The following ZNF385D variants were observed in gnomAD, a reference collection of about 807,000 sequenced individuals.
ZNF385D encodes the protein zinc finger protein 659.
In ZNF385D, 15 loss-of-function variants were observed where a neutral mutation model predicts 35.8. The observed-to-expected ratio is 0.42, with a 90% CI of 0.28 to 0.64. The LOEUF is 0.64. ZNF385D is among the 30% of genes least tolerant of loss of function. The pLI is 0.23. For synonymous variants in ZNF385D, 212 were observed against 186.8 expected (o/e 1.13, Z -1.10); for missense variants, 474 against 494.6 (o/e 0.96, Z 0.39).
rs532699499 is a variant in ZNF385D, at chr3:22,217,506, C to T, written c.107-48471G>A. On this transcript the variant is annotated intron_variant, in intron 2 of 5. Coordinates refer to the ZNF385D transcript ENST00000494108. The stretch of plus-strand genomic sequence containing the variant: ...CTTAACGAATTACCTCTACAATGAC[C>T]CTGTTTCCAAATAAGGTTATATTTT... Among the ~76,000 whole-genome samples, 3 of 152,172 alleles carry T rather than the reference C, an allele frequency of 2.0e-5. 1 individual carries two copies. The South Asian group carries it at 6.2e-4, about 32-fold the overall frequency.
intron 2 of ZNF385D, among the ~76,000 whole-genome samples, chr3:22,355,293 A>G (rs1341434645): frequency 2.0e-5 from 3 of 152,072 alleles, no homozygotes; most frequent in African/African-American, 4.8e-5. Context: ...GTTAGATCAA[A>G]TAACATGCAT....
At chr3:21,947,294 G>A (rs980761953) in intron 3 of ZNF385D, among the ~76,000 whole-genome samples, 7 of 152,022 alleles carry the variant, frequency 4.6e-5, no homozygotes, top group South Asian at 2.1e-4. Flanking sequence ...GTACAGTTAA[G>A]CCACTCTCTT....
Position 21,578,125 on chromosome 3 carries a change from T to C in ZNF385D, c.166-13441A>G, listed in dbSNP as rs372235967. Among the ~76,000 whole-genome samples, 11 of 152,298 alleles carry C rather than the reference T, an allele frequency of 7.2e-5. No individual in the cohort carries two copies. In the East Asian group the frequency reaches 1.9e-3, roughly 27 times the overall value. The stretch of plus-strand genomic sequence containing the variant: ...GCCACTGCACCCCACATTTATATGT[T>C]TTCTTTAGAGAAATGTCTATTCAAG... On this transcript the variant is annotated intron_variant, in intron 2 of 7. Transcript: ENST00000281523.
intron 2 of ZNF385D, among the ~76,000 whole-genome samples, chr3:22,341,423 A>G (rs542674210): frequency 2.6e-5 from 4 of 152,270 alleles, no homozygotes. Context: ...TGCCTAAAAT[A>G]CTTGCTTTCT....
chr3:22,297,770 A>C (rs995147772), intron 2 of ZNF385D, among the ~76,000 whole-genome samples: 3 of 152,172 alleles, frequency 2.0e-5, no homozygotes, highest in Non-Finnish European at 4.4e-5. Context: ...ATATACATAA[A>C]AATAACATAA....
At chr3:21,603,146 T>C (rs1049879008) in intron 2 of ZNF385D, among the ~76,000 whole-genome samples, 2 of 152,120 alleles carry the variant, frequency 1.3e-5, no homozygotes, top group African/African-American at 2.4e-5. Context: ...TACCAAGCCA[T>C]ATAGGAGACA....
chr3:21,913,720 G>C (rs1700070472), intron 3 of ZNF385D, among the ~76,000 whole-genome samples: 1 of 152,098 alleles, frequency 6.6e-6, no homozygotes, highest in Non-Finnish European at 1.5e-5. Flanking sequence ...GCTTTCCAAA[G>C]AGAGATTAGA....
At chr3:21,527,095 A>G (rs1277043183) in intron 3 of ZNF385D, among the ~76,000 whole-genome samples, 1 of 152,206 alleles carries the variant, frequency 6.6e-6, no homozygotes, top group East Asian at 1.9e-4. Flanking sequence ...TGTAATATAA[A>G]GTAACTTATA....
chr3:21,875,677 C>T (rs1697926370), intron 3 of ZNF385D, among the ~76,000 whole-genome samples: 1 of 152,062 alleles, frequency 6.6e-6, no homozygotes, highest in Non-Finnish European at 1.5e-5. Flanking sequence ...ACTCACTTCT[C>T]CCTCAACCAG....
intron 3 of ZNF385D, among the ~76,000 whole-genome samples, chr3:21,549,703 C>T (rs576536692): frequency 6.6e-5 from 10 of 152,268 alleles, no homozygotes; most frequent in African/African-American, 2.2e-4. Flanking sequence ...CAAAGGACAG[C>T]TTTTGAAGAA....
At chr3:22,357,269 A>G (rs1033316272) in intron 2 of ZNF385D, among the ~76,000 whole-genome samples, 3 of 152,072 alleles carry the variant, frequency 2.0e-5, no homozygotes, top group South Asian at 2.1e-4. Flanking sequence ...GTAGTTCTGA[A>G]TTATAGTAAT....
At chr3:22,295,806 A>G (rs941829371) in intron 2 of ZNF385D, among the ~76,000 whole-genome samples, 1 of 152,022 alleles carries the variant, frequency 6.6e-6, no homozygotes, top group Non-Finnish European at 1.5e-5. Flanking sequence ...ATAAACTATA[A>G]CCTTTGAAAG....
chr3:22,091,828 C>T (rs924458416), intron 3 of ZNF385D, among the ~76,000 whole-genome samples: 1 of 152,092 alleles, frequency 6.6e-6, no homozygotes, highest in Non-Finnish European at 1.5e-5. Context: ...TCTCCTTCTT[C>T]CTGTTTTTAT....
At chr3:21,913,502 T>C (rs1248891354) in intron 3 of ZNF385D, among the ~76,000 whole-genome samples, 1 of 152,118 alleles carries the variant, frequency 6.6e-6, no homozygotes, top group Non-Finnish European at 1.5e-5. Flanking sequence ...ATGCTCATCC[T>C]TACAGTGTTG....
At chr3:22,118,682 CAA>C (rs1287649057) in intron 3 of ZNF385D, among the ~76,000 whole-genome samples, 4 of 152,034 alleles carry the variant, frequency 2.6e-5, no homozygotes, top group Non-Finnish European at 5.9e-5. Flanking sequence ...TTAAGACAAA[CAA>C]AGAGCAGATA....
At chr3:21,697,194 A>T (rs538972632) in intron 1 of ZNF385D, among the ~76,000 whole-genome samples, 1 of 152,236 alleles carries the variant, frequency 6.6e-6, no homozygotes, top group Admixed American at 6.5e-5. Flanking sequence ...ACTTCATGAG[A>T]TTCCTATTCA....
intron 3 of ZNF385D, among the ~76,000 whole-genome samples, chr3:21,820,495 G>C (rs2073352486): frequency 6.6e-6 from 1 of 151,620 alleles, no homozygotes; most frequent in Admixed American, 6.6e-5. Context: ...AGAAATGCTT[G>C]TATTTTAAAA....
intron 2 of ZNF385D, among the ~76,000 whole-genome samples, chr3:22,360,374 C>CCA (rs1295695301): frequency 6.6e-6 from 1 of 151,876 alleles, no homozygotes; most frequent in Non-Finnish European, 1.5e-5. Flanking sequence ...CATTATACTC[C>CCA]CATCCATACA....
chr3:21,738,913 T>C (rs927314919), intron 1 of ZNF385D, among the ~76,000 whole-genome samples: 2 of 152,254 alleles, frequency 1.3e-5, no homozygotes, highest in African/African-American at 4.8e-5. Flanking sequence ...TTTAAAATAC[T>C]AGTCAGCAGC....
Sources: gnomAD v4.1 joint callset for allele counts (sites outside exome capture counted in the v4.1 genomes callset) on GRCh38, gnomAD v4.1.1 for gene constraint, MANE v1.5 for transcripts, NCBI Gene and HGNC (gene_info 2026-07-23, HGNC 2026-07-21) for gene names.